The following TAFA4 variants were observed in gnomAD, a reference collection of about 807,000 sequenced individuals.
TAFA4 encodes the protein TAFA chemokine like family member 4.
In TAFA4, 20 loss-of-function variants were observed where a neutral mutation model predicts 21.1. The observed-to-expected ratio is 0.95, with a 90% confidence interval of 0.67 to 1.38. The LOEUF (loss-of-function observed/expected upper bound fraction) is 1.38. Among genes scored for constraint, TAFA4 ranks in the 40% most tolerant of loss-of-function variants. The pLI, the probability that TAFA4 is intolerant of heterozygous loss-of-function variation, is 0.00. For synonymous variants in TAFA4, 71 were observed against 67.4 expected (o/e 1.05, Z -0.26); for missense variants, 211 against 180.9 (o/e 1.17, Z -0.95).
intron 3 of TAFA4, among the ~76,000 whole-genome samples, chr3:68,821,947 G>C (rs1704121345): frequency 6.6e-6 from 1 of 152,086 alleles, no homozygotes; most frequent in African/African-American, 2.4e-5. Flanking sequence ...CGGTAATTCT[G>C]CAATGGAAAC....
At chr3:68,748,391 A>G (rs1457515587) in intron 4 of TAFA4, among the ~76,000 whole-genome samples, 1 of 152,246 alleles carries the variant, frequency 6.6e-6, no homozygotes, top group South Asian at 2.1e-4. Flanking sequence ...CCATAAAGCC[A>G]TGAAACTTGT....
At chr3:68,899,769 A>G (rs183155960) in intron 1 of TAFA4, among the ~76,000 whole-genome samples, 1 of 152,240 alleles carries the variant, frequency 6.6e-6, no homozygotes, top group African/African-American at 2.4e-5. Flanking sequence ...AACACAAGAG[A>G]CTAGGGAGAA....
At chr3:68,923,703 C>A (rs2090080730) in intron 1 of TAFA4, among the ~76,000 whole-genome samples, 1 of 152,108 alleles carries the variant, frequency 6.6e-6, no homozygotes, top group Non-Finnish European at 1.5e-5. Flanking sequence ...CGGTGAAATT[C>A]CTTTGTGTGG....
chr3:68,926,449 A>C (rs997407581), intron 1 of TAFA4, among the ~76,000 whole-genome samples: 1 of 152,210 alleles, frequency 6.6e-6, no homozygotes, highest in African/African-American at 2.4e-5. Context: ...TCAAAACAGA[A>C]GCCTAGGGTG....
At chr3:68,735,427 A>T (rs535482388) in intron 5 of TAFA4, among the ~76,000 whole-genome samples, 11 of 152,244 alleles carry the variant, frequency 7.2e-5, no homozygotes, top group African/African-American at 2.4e-4. Flanking sequence ...GCTCAGTTAG[A>T]CTAATGGTTC....
intron 3 of TAFA4, among the ~76,000 whole-genome samples, chr3:68,768,856 G>T (rs1171633707): frequency 6.6e-6 from 1 of 152,128 alleles, no homozygotes; most frequent in Non-Finnish European, 1.5e-5. Context: ...GACAAACCTT[G>T]CATGATCTGA....
At chr3:68,889,428 T>C (rs926685169) in intron 1 of TAFA4, among the ~76,000 whole-genome samples, 1 of 136,492 alleles carries the variant, frequency 7.3e-6, no homozygotes, top group Non-Finnish European at 1.7e-5. Flanking sequence ...AGAGAGGCTG[T>C]GCCTTCCTCG....
chr3:68,775,321 C>T (rs768464365), intron 3 of TAFA4, among the ~76,000 whole-genome samples: 4 of 152,076 alleles, frequency 2.6e-5, no homozygotes, highest in Non-Finnish European at 5.9e-5. Context: ...TGGGGATAAG[C>T]TGTCACTGTG....
At chr3:68,822,806 G>A (rs1704142544) in intron 3 of TAFA4, among the ~76,000 whole-genome samples, 1 of 152,100 alleles carries the variant, frequency 6.6e-6, no homozygotes, top group South Asian at 2.1e-4. Flanking sequence ...CTTTCATTGT[G>A]TTAATGCATT....
At chr3:68,863,927 A>G (rs940326046) in intron 3 of TAFA4, among the ~76,000 whole-genome samples, 16 of 152,142 alleles carry the variant, frequency 1.1e-4, no homozygotes, top group South Asian at 2.1e-4. Flanking sequence ...CTAAAAATGC[A>G]TTACATGTTT....
At chr3:68,836,252 T>C (rs1017817062) in intron 3 of TAFA4, among the ~76,000 whole-genome samples, 4 of 152,228 alleles carry the variant, frequency 2.6e-5, no homozygotes, top group Non-Finnish European at 5.9e-5. Context: ...GCCTCAGGAA[T>C]AATCCTCAAT....
intron 4 of TAFA4, among the ~76,000 whole-genome samples, chr3:68,748,637 G>A (rs552247359): frequency 2.6e-5 from 4 of 152,014 alleles, no homozygotes; most frequent in Admixed American, 6.5e-5. Context: ...CCAGCTACTC[G>A]GGAGACTGAG....
intron 3 of TAFA4, among the ~76,000 whole-genome samples, chr3:68,776,413 A>G (rs1248962524): frequency 6.6e-6 from 1 of 152,200 alleles, no homozygotes; most frequent in Non-Finnish European, 1.5e-5. Context: ...AGGCATTATC[A>G]TGGATAAAGA....
Position 68,826,145 on chromosome 3 carries a change from G to GA in TAFA4, c.130+54584_130+54585insT, listed in dbSNP as rs779673222. Among the ~76,000 whole-genome samples the GA allele has an allele frequency of 5.8e-4, 88 of 152,316 alleles. 1 individual carries two copies. Among genetic ancestry groups the GA allele is most frequent in the South Asian group, 1.7e-3 (8 of 4,834 alleles). On this transcript the variant is annotated intron_variant, in intron 3 of 5. Transcript: ENST00000295569. ...GCAGGAAAGTTTTATTTGCTCCGAA[G>GA]GGAGAAGATGCCCTAAGAACACTGG...
intron 3 of TAFA4, among the ~76,000 whole-genome samples, chr3:68,779,821 C>G (rs1443589049): frequency 6.6e-6 from 1 of 152,186 alleles, no homozygotes; most frequent in Non-Finnish European, 1.5e-5. Context: ...CACAGAGTCT[C>G]TACTGGGGCA....
intron 3 of TAFA4, among the ~76,000 whole-genome samples, chr3:68,840,906 G>C (rs903690763): frequency 6.6e-6 from 1 of 152,102 alleles, no homozygotes; most frequent in African/African-American, 2.4e-5. Context: ...GAACTAAATG[G>C]AGTTTCTTTC....
At chr3:68,736,991 A>G (rs1394256) in intron 5 of TAFA4, among the ~76,000 whole-genome samples, 47,178 of 151,976 alleles carry the variant, frequency 0.31, 9,144 homozygotes, top group Non-Finnish European at 0.44. Context: ...GCAAACTTAC[A>G]TTCCCAGCAC....
At chr3:68,812,534 G>A (rs951968602) in intron 3 of TAFA4, among the ~76,000 whole-genome samples, 1 of 152,088 alleles carries the variant, frequency 6.6e-6, no homozygotes, top group Non-Finnish European at 1.5e-5. Context: ...CCTAGTCTCT[G>A]ATAAAACAGA....
At chr3:68,855,895 A>C (rs1368880379) in intron 3 of TAFA4, among the ~76,000 whole-genome samples, 1 of 152,118 alleles carries the variant, frequency 6.6e-6, no homozygotes, top group Non-Finnish European at 1.5e-5. Flanking sequence ...GAAAGAGCCA[A>C]GCTCACTGCC....
Sources: allele counts gnomAD v4.1 joint callset (sites outside exome capture counted in the v4.1 genomes callset), GRCh38; gene constraint gnomAD v4.1.1; transcripts MANE v1.5; gene names NCBI Gene and HGNC (gene_info 2026-07-23, HGNC 2026-07-21).